Variants in TENM1 observed in about 807,000 individuals in gnomAD.
TENM1 encodes teneurin-1.
TENM1 carries 35 observed loss-of-function variants against 174.8 expected under a neutral mutation model. That is an observed-to-expected ratio of 0.20 (90% confidence interval 0.15 to 0.27). TENM1 has a LOEUF of 0.27. Among genes scored for constraint, TENM1 ranks in the 10% least tolerant of loss-of-function variants. The pLI, the probability that TENM1 is intolerant of heterozygous loss-of-function variation, is 1.00. For synonymous variants in TENM1, 781 were observed against 798.7 expected, an observed-to-expected ratio of 0.98 and a Z score of 0.37; for missense variants, 1,633 against 2,130.1, an observed-to-expected ratio of 0.77 and a Z score of 4.59.
chrX:124,506,320 CT>C (rs1242542766), intron 18 of TENM1, among the ~76,000 whole-genome samples: 1 of 111,498 alleles, frequency 9.0e-6, no homozygotes, highest in Non-Finnish European at 1.9e-5. Context: ...GCAGGAAATG[CT>C]TACATAAAGC....
At chrX:124,957,039 G>C (rs2058583599) in intron 1 of TENM1, among the ~76,000 whole-genome samples, 1 of 112,214 alleles carries the variant, frequency 8.9e-6, no homozygotes, top group South Asian at 3.7e-4. Context: ...GGGATGAAGT[G>C]GCTTATCATA....
intron 5 of TENM1, among the ~76,000 whole-genome samples, chrX:124,702,120 C>G (rs1032764949): frequency 8.9e-6 from 1 of 112,070 alleles, no homozygotes; most frequent in Non-Finnish European, 1.9e-5. Flanking sequence ...GACTTACAGA[C>G]TCAGCAATAG....
chrX:124,450,448 G>T (rs2061021971), intron 23 of TENM1, among the ~76,000 whole-genome samples: 1 of 110,518 alleles, frequency 9.0e-6, no homozygotes, highest in East Asian at 2.9e-4. Context: ...GCCCCTCCTT[G>T]CCTTCTACCA....
chrX:124,641,641 A>G, intron 11 of TENM1, 150 bp downstream of exon 14: 1 of 499,072 alleles, frequency 2.0e-6, no homozygotes, highest in Admixed American at 3.5e-5. Flanking sequence ...TATAAATAAA[A>G]ATGCAGTAAA....
intron 4 of TENM1, among the ~76,000 whole-genome samples, chrX:124,712,433 A>G (rs1255276385): frequency 1.8e-5 from 2 of 110,352 alleles, no homozygotes; most frequent in African/African-American, 6.6e-5. Context: ...TTTGATTTGC[A>G]TGTCTCTGAT....
intron 1 of TENM1, among the ~76,000 whole-genome samples, chrX:124,904,070 C>CGT (rs751117785): frequency 1.8e-5 from 2 of 108,468 alleles, no homozygotes; most frequent in African/African-American, 6.9e-5. Context: ...TGTGTGTGTG[C>CGT]GTGTGTGTGT....
chrX:124,772,547 A>C (rs2054680964), intron 3 of TENM1, among the ~76,000 whole-genome samples: 1 of 112,142 alleles, frequency 8.9e-6, no homozygotes, highest in Non-Finnish European at 1.9e-5. Flanking sequence ...TGAATAAAAA[A>C]TTTGCCCCTT....
chrX:124,664,532 G>GAAAAAAAAAAAAAAAAAAAAAAA (rs779501054), intron 6 of TENM1, among the ~76,000 whole-genome samples: 2 of 29,274 alleles, frequency 6.8e-5, no homozygotes, highest in African/African-American at 1.2e-4. Flanking sequence ...TAAAGCAAAA[G>GAAAAAAAAAAAAAAAAAAAAAAA]AAAAAAAAAA....
the TENM1 span, among the ~76,000 whole-genome samples, chrX:125,160,064 G>C: frequency 2.7e-4 from 30 of 109,384 alleles, no homozygotes; most frequent in African/African-American, 4.3e-4. Context: ...GCCAGGCGTG[G>C]TGGCAGGCGC....
intron 3 of TENM1, among the ~76,000 whole-genome samples, chrX:124,814,246 T>G (rs2055849141): frequency 9.0e-6 from 1 of 111,687 alleles, no homozygotes; most frequent in Non-Finnish European, 1.9e-5. Context: ...TAGGCTATGT[T>G]AGGACAAAAT....
At chrX:124,917,324 CT>C (rs1008700762) in intron 1 of TENM1, among the ~76,000 whole-genome samples, 3 of 110,988 alleles carry the variant, frequency 2.7e-5, no homozygotes, top group East Asian at 2.8e-4. Context: ...GCCAAAAAAA[CT>C]TTTTTTTTCT....
the TENM1 span, among the ~76,000 whole-genome samples, chrX:124,985,068 G>C: frequency 2.7e-5 from 3 of 112,033 alleles, no homozygotes; most frequent in Non-Finnish European, 5.6e-5. Flanking sequence ...CGTCAACAAA[G>C]CATATGAATT....
intron 1 of TENM1, among the ~76,000 whole-genome samples, chrX:124,950,744 T>A (rs1255095718): frequency 8.9e-6 from 1 of 111,779 alleles, no homozygotes; most frequent in Admixed American, 9.5e-5. Context: ...AAAGGTATGT[T>A]CTCTCAAGGT....
chrX:124,416,059 A>C (rs2060590750), intron 25 of TENM1, among the ~76,000 whole-genome samples: 1 of 111,299 alleles, frequency 9.0e-6, no homozygotes, highest in South Asian at 3.8e-4. Flanking sequence ...TCACTGTCTC[A>C]GTCTCTCTCC....
intron 21 of TENM1, among the ~76,000 whole-genome samples, chrX:124,482,575 T>A (rs141363233): frequency 0.01 from 1,170 of 111,798 alleles, 13 homozygotes; most frequent in Admixed American, 0.018. Context: ...TGGTTTTTGT[T>A]CTTTCAGGAC....
the TENM1 span, among the ~76,000 whole-genome samples, chrX:125,066,519 G>A: frequency 9.0e-6 from 1 of 111,468 alleles, no homozygotes; most frequent in Non-Finnish European, 1.9e-5. Flanking sequence ...AGAATACCAA[G>A]GTTATATAAG....
chrX:124,839,660 A>C (rs1275954735), intron 3 of TENM1, among the ~76,000 whole-genome samples: 1 of 112,046 alleles, frequency 8.9e-6, no homozygotes, highest in African/African-American at 3.2e-5. Context: ...TTAGCTAGTC[A>C]TAAAAGTTAC....
In TENM1 at chrX:124,761,218, A is replaced by T. The variant is rs144345613; in HGVS notation, c.536-24021T>A. 4.5e-3 allele frequency among the ~76,000 whole-genome samples: 500 copies of T among 111,283 alleles called. 1 individual carries two copies. Among genetic ancestry groups the T allele is most frequent in the Non-Finnish European group, 7.4e-3 (394 of 53,077 alleles). ...GTATATACCCAAAGGATTACAAATC[A>T]TGCTATTATAAAGACACATGCACAC... On this transcript the variant is annotated intron_variant, in intron 3 of 31. Transcript: ENST00000422452.
chrX:125,149,925 C>G, the TENM1 span, among the ~76,000 whole-genome samples: 1 of 111,498 alleles, frequency 9.0e-6, no homozygotes, highest in South Asian at 3.8e-4. Flanking sequence ...CCAACACAGG[C>G]AACGTTCTAA....
Sources: gnomAD v4.1 joint callset for allele counts (sites outside exome capture counted in the v4.1 genomes callset) on GRCh38, gnomAD v4.1.1 for gene constraint, MANE v1.5 for transcripts, NCBI Gene and HGNC (gene_info 2026-07-23, HGNC 2026-07-21) for gene names.